Variants in CTDNEP1 observed in about 807,000 individuals in gnomAD.
CTDNEP1 encodes the protein CTD nuclear envelope phosphatase 1.
CTDNEP1 carries 3 observed loss-of-function variants against 30.1 expected under a neutral mutation model. That is an observed-to-expected ratio of 0.10 (90% CI 0.05 to 0.26). The LOEUF is 0.26. CTDNEP1 is among the 10% of genes least tolerant of loss of function. The pLI is 1.00. For synonymous variants in CTDNEP1, 123 were observed against 118.8 expected (o/e 1.04, Z -0.23); for missense variants, 158 against 310.4 (o/e 0.51, Z 3.69).
intron 3 of CTDNEP1, 59 bp downstream of exon 3, chr17:7,247,005 G>A (rs1404713075): frequency 1.4e-6 from 2 of 1,443,688 alleles, no homozygotes; most frequent in East Asian, 2.3e-5. Context: ...GGGAAAGGGA[G>A]TCCAGGTTTG....
chr17:7,245,592 G>A (rs796603704), intron 6 of CTDNEP1, among the ~76,000 whole-genome samples: 24 of 151,854 alleles, frequency 1.6e-4, no homozygotes, highest in African/African-American at 5.3e-4. Context: ...TCCGCCTCCC[G>A]GGTTCAAGCG....
At position 7,246,394 on chromosome 17, in the gene CTDNEP1, C is replaced by T. The variant is rs369975089; in HGVS notation, c.361-24G>A. 6.1e-5 allele frequency: 93 copies of T among 1,512,438 alleles called. No homozygotes were observed. Among genetic ancestry groups the T allele is most frequent in the Non-Finnish European group, 8.2e-5 (89 of 1,089,092 alleles). 93.7% of individuals were successfully genotyped at this position (1,512,438 alleles called of 1,614,324 possible). ...ACCTGAAATAGATTGGGGGAGAGGG[C>T]GATGCCATACAAGGTGATGATTCCT... On this transcript the variant is annotated intron_variant, in intron 4 of 7. Transcript: ENST00000574322. This position sits in a 1 kb window ranked among gnomAD's most constrained non-coding sequence, Gnocchi z 4.9.
upstream of CTDNEP1, chr17:7,251,872 C>T (rs2071937707): frequency 6.5e-6 from 1 of 154,878 alleles, no homozygotes; most frequent in African/African-American, 2.4e-5. Flanking sequence ...GGAGCGGCCT[C>T]CCCCTCCCCG....
At position 7,247,132 on chromosome 17, in the gene CTDNEP1, G is replaced by A; in HGVS notation, c.220C>T (p.His74Tyr). 1 of 1,613,888 alleles carries A rather than the reference G, an allele frequency of 6.2e-7. No individual in the cohort carries two copies. The highest frequency in any genetic ancestry group is 8.5e-7 in the Non-Finnish European group (1 of 1,180,012). The part of the protein sequence containing the change: ...LVLDLDETLI[H>Y]SHHDGVLRPT... ...CTCAGGACCCCATCATGGTGGGAGT[G>A]AATAAGTGTCTCATCCAGATCCAGC... Residue 74 changes from histidine (H) to tyrosine (Y), a missense_variant, in exon 3 of 8, where the codon CAC becomes TAC. His to Tyr is a moderately conservative substitution (Grantham distance 83). Transcript: ENST00000574322.
In CTDNEP1 at chr17:7,244,147, T is replaced by TCCC; in HGVS notation, c.*35_*37dup. 1 of 1,611,678 alleles carries TCCC rather than the reference T, an allele frequency of 6.2e-7. No individual in the cohort carries two copies. The highest frequency in any genetic ancestry group is 8.5e-7 in the Non-Finnish European group (1 of 1,178,832). ...GCATCCCAAGGGCTCGCCCTCCCTT[T>TCCC]CCCCCCCACCCCAACTCAGGTGGAG... On this transcript the variant is annotated 3_prime_UTR_variant, in exon 8 of 8. Transcript: ENST00000574322.
chr17:7,246,965 C>T lies in CTDNEP1; in HGVS notation c.288+99G>A. The stretch of plus-strand genomic sequence containing the variant: ...TCCCTCCTCCAGGCTGACACTGGTG[C>T]CAGCGGATGGAGACAGATGCTCTGG... On this transcript the variant is annotated intron_variant, in intron 3 of 7. Coordinates refer to ENST00000574322, the MANE Select transcript of CTDNEP1 (RefSeq NM_001143775.2). The surrounding 1 kb of genome is among the most constrained non-coding windows in gnomAD (Gnocchi z 4.9). 1 of 1,395,858 alleles carries T rather than the reference C, an allele frequency of 7.2e-7. No homozygotes were observed. The highest frequency in any genetic ancestry group is 1.0e-6 in the Non-Finnish European group (1 of 986,364). 86.5% of individuals were successfully genotyped at this position (1,395,858 alleles called of 1,614,324 possible). A position where few individuals can be genotyped will look rare whatever the true frequency, so the allele number is the denominator to read the frequency against.
At chr17:7,251,159 A>C (rs775550593) in intron 1 of CTDNEP1, 36 bp downstream of exon 1, 1 of 1,472,344 alleles carries the variant, frequency 6.8e-7, no homozygotes, top group Non-Finnish European at 9.2e-7. Context: ...ACACCGCCAG[A>C]CGTCCCCAAC....
At chr17:7,248,133 TG>T (rs1567587734) in intron 1 of CTDNEP1, among the ~76,000 whole-genome samples, 1 of 150,756 alleles carries the variant, frequency 6.6e-6, no homozygotes, top group Non-Finnish European at 1.5e-5. Context: ...TGGTGGTGCG[TG>T]CCCATAGCCC....
rs549190536 is a variant in CTDNEP1, at chr17:7,243,814, A to T, written c.*371T>A. 288 of 473,660 alleles carry T rather than the reference A, an allele frequency of 6.1e-4. No individual in the cohort carries two copies. Among genetic ancestry groups the T allele is most frequent in the South Asian group, 3.0e-3 (55 of 18,472 alleles). 29.3% of individuals were successfully genotyped at this position (473,660 alleles called of 1,614,324 possible). ...GATCAGTTTTGTACAAGAGTTTTTT[A>T]AAAAAAATCAAATCACAACAAAGCT... On this transcript the variant is annotated 3_prime_UTR_variant, in exon 8 of 8. Coordinates refer to ENST00000574322, the MANE Select transcript of CTDNEP1 (RefSeq NM_001143775.2).
Position 7,246,135 on chromosome 17 carries a change from G to C in CTDNEP1, c.480C>G (p.His160Gln). ...TGTAGCTGCCCAACTCCAAAGTGCA[G>C]TGCTGGAAGGCAGGGGATCATGTAG... is the stretch of plus-strand genomic sequence containing the variant. ...SILKRRYYRQ[H>Q]CTLELGSYIK... The change falls in exon 6 of 8, where the codon CAC becomes CAG. Residue 160 changes from histidine to glutamine, a missense_variant and splice_region_variant. His to Gln is a conservative substitution (Grantham distance 24). Transcript: ENST00000574322. The surrounding 1 kb of genome is among the most constrained non-coding windows in gnomAD (Gnocchi z 4.9). The C allele has an allele frequency of 6.2e-7, 1 of 1,612,332 alleles. No homozygotes were observed. Among genetic ancestry groups the C allele is most frequent in the Non-Finnish European group, 8.5e-7 (1 of 1,178,404 alleles).
chr17:7,245,931 T>C (rs2142998447), intron 6 of CTDNEP1, 95 bp downstream of exon 6: 1 of 761,092 alleles, frequency 1.3e-6, no homozygotes, highest in Middle Eastern at 3.9e-4. Flanking sequence ...ATCTAGGGAA[T>C]CCCAGCTCTC....
Position 7,244,139 on chromosome 17 carries a change from C to T in CTDNEP1, c.*46G>A, listed in dbSNP as rs1474327866. 1.2e-6 allele frequency: 2 copies of T among 1,612,104 alleles called. No homozygotes were observed. Among genetic ancestry groups the T allele is most frequent in the Admixed American group, 3.3e-5 (2 of 59,966 alleles). On this transcript the variant is annotated 3_prime_UTR_variant, in exon 8 of 8. Coordinates refer to ENST00000574322, the MANE Select transcript of CTDNEP1 (RefSeq NM_001143775.2). ...ATCAGACGGCATCCCAAGGGCTCGC[C>T]CTCCCTTTCCCCCCCACCCCAACTC...
In CTDNEP1 at chr17:7,246,913, G is replaced by T; in HGVS notation, c.289-51C>A. On this transcript the variant is annotated intron_variant, in intron 3 of 7. Coordinates refer to ENST00000574322, the MANE Select transcript of CTDNEP1 (RefSeq NM_001143775.2). This position sits in a 1 kb window ranked among gnomAD's most constrained non-coding sequence, Gnocchi z 4.9. ...GGATGTCATGACCACCACAACCCAG[G>T]CCTAGAAAACGCCCCACCCATCTGC... 1 of 1,554,832 alleles carries T rather than the reference G, an allele frequency of 6.4e-7. No individual in the cohort carries two copies. The highest frequency in any genetic ancestry group is 8.9e-7 in the Non-Finnish European group (1 of 1,127,014).
chr17:7,244,655 A>G lies in CTDNEP1; in HGVS notation c.590-20T>C, dbSNP rs2071814568. 1 of 1,535,480 alleles carries G rather than the reference A, an allele frequency of 6.5e-7. No homozygotes were observed. The highest frequency in any genetic ancestry group is 8.8e-7 in the Non-Finnish European group (1 of 1,133,334). On this transcript the variant is annotated intron_variant, in intron 6 of 7. Transcript: ENST00000574322. ...CATTGTCTAGGGTGGGTGAAAATGC[A>G]GATGAGAAGAAACAGAATTCAAGAG... is the stretch of plus-strand genomic sequence containing the variant.
intron 1 of CTDNEP1, among the ~76,000 whole-genome samples, chr17:7,249,190 A>G (rs1289548738): frequency 1.3e-5 from 2 of 152,140 alleles, no homozygotes; most frequent in African/African-American, 2.4e-5. Context: ...CCCCATACAA[A>G]GCCTGGCAAT....
At position 7,248,259 on chromosome 17, in the gene CTDNEP1, C is replaced by CCAAAAAAAAAAAAAAAA. The variant is rs1379101575; in HGVS notation, c.103-917_103-916insTTTTTTTTTTTTTTTTG. Among the ~76,000 whole-genome samples the CCAAAAAAAAAAAAAAAA allele has an allele frequency of 1.3e-4, 2 of 15,406 alleles. 1 individual carries two copies. Among genetic ancestry groups the CCAAAAAAAAAAAAAAAA allele is most frequent in the African/African-American group, 1.9e-4 (2 of 10,380 alleles). The allele number at this position is 15,406 out of a possible 152,430, so 10.1% of individuals were successfully genotyped here. A position where few individuals can be genotyped will look rare whatever the true frequency, so the allele number is the denominator to read the frequency against. On this transcript the variant is annotated intron_variant, in intron 1 of 7. Transcript: ENST00000574322. ...CTGGTGACAGAGCAAGACTCCGTCG[C>CCAAAAAAAAAAAAAAAA]AAAAAAAAAAAAAAAAAAAAAAAAA...
intron 1 of CTDNEP1, 32 bp downstream of exon 1, chr17:7,251,163 C>T (rs777138698): frequency 2.0e-6 from 3 of 1,525,342 alleles, no homozygotes; most frequent in Admixed American, 3.7e-5. Flanking sequence ...CGCCAGACGT[C>T]CCCAACACCG....
chr17:7,249,714 C>T (rs2071887626), intron 1 of CTDNEP1, among the ~76,000 whole-genome samples: 1 of 152,178 alleles, frequency 6.6e-6, no homozygotes, highest in African/African-American at 2.4e-5. Context: ...AGTTTGAGAC[C>T]ATCCTGGCCA....
Position 7,246,678 on chromosome 17 carries a change from A to G in CTDNEP1, c.360+113T>C. ...CCTACCATTACACAGCCTCCCCTCT[A>G]GAAAACTGCTCTAACCCGTTTCTCC... On this transcript the variant is annotated intron_variant, in intron 4 of 7. Transcript: ENST00000574322. The surrounding 1 kb of genome is among the most constrained non-coding windows in gnomAD (Gnocchi z 4.9). 1.1e-6 allele frequency: 1 copy of G among 878,192 alleles called. No individual in the cohort carries two copies. The highest frequency in any genetic ancestry group is 1.8e-6 in the Non-Finnish European group (1 of 541,614). The allele number at this position is 878,192 out of a possible 1,614,324, so 54.4% of individuals were successfully genotyped here.
Sources: gnomAD v4.1 joint callset for allele counts (sites outside exome capture counted in the v4.1 genomes callset) on GRCh38, gnomAD v4.1.1 for gene constraint, Gnocchi (gnomAD v3.1) non-coding constraint, MANE v1.5 for transcripts, NCBI Gene and HGNC (gene_info 2026-07-23, HGNC 2026-07-21) for gene names.